The following ABR variants were observed in gnomAD, a reference collection of about 807,000 sequenced individuals.
ABR encodes the protein active breakpoint cluster region-related protein.
Under a neutral mutation model 107.2 loss-of-function variants are expected in ABR, and 35 were observed. The observed-to-expected ratio is 0.33, with a 90% CI of 0.25 to 0.43. The LOEUF is 0.43. Ranked by LOEUF, ABR falls within the 20% of genes least tolerant of loss-of-function variation. The pLI is 1.00. For synonymous variants in ABR, 498 were observed against 462.0 expected (o/e 1.08, Z -1.00); for missense variants, 815 against 1,115.2 (o/e 0.73, Z 3.83).
chr17:1,106,969 G>C (rs1373030202), intron 2 of ABR, among the ~76,000 whole-genome samples: 9 of 152,366 alleles, frequency 5.9e-5, no homozygotes, highest in Admixed American at 5.9e-4. Flanking sequence ...CACCTAACCT[G>C]AGAGTGTTTG....
At position 1,159,341 on chromosome 17, in the gene ABR, A is replaced by G. The variant is rs76040367; in HGVS notation, c.61+20326T>C. Among the ~76,000 whole-genome samples, 10 of 104,224 alleles carry G rather than the reference A, an allele frequency of 9.6e-5. 2 individuals carry two copies. Among genetic ancestry groups the G allele is most frequent in the Non-Finnish European group, 1.5e-4 (7 of 46,430 alleles). The allele number at this position is 104,224 out of a possible 152,430, so 68.4% of individuals were successfully genotyped here. A position where few individuals can be genotyped will look rare whatever the true frequency, so the allele number is the denominator to read the frequency against. ...AGTAAGAATGCAGTACTCACGCACAAGGGAAGTATGCGGTACTCACACACA... is the reference window on the plus strand; with the variant it reads ...AGTAAGAATGCAGTACTCACGCACAGGGGAAGTATGCGGTACTCACACACA... On this transcript the variant is annotated intron_variant, in intron 1 of 22. Transcript: ENST00000302538.
At chr17:1,145,338 G>A (rs2040482105) in intron 1 of ABR, among the ~76,000 whole-genome samples, 1 of 152,198 alleles carries the variant, frequency 6.6e-6, no homozygotes, top group Admixed American at 6.5e-5. Flanking sequence ...ACCCTTATTA[G>A]AGTTAACAGC....
Position 1,070,576 on chromosome 17 carries a change from G to A in ABR, c.895-486C>T, listed in dbSNP as rs113801024. Among the ~76,000 whole-genome samples the A allele has an allele frequency of 6.6e-6, 1 of 151,916 alleles. No homozygotes were observed. Among genetic ancestry groups the A allele is most frequent in the African/African-American group, 2.4e-5 (1 of 41,354 alleles). On this transcript the variant is annotated intron_variant, in intron 8 of 22. Coordinates refer to ENST00000302538, the MANE Select transcript of ABR (RefSeq NM_021962.5). This position sits in a 1 kb window ranked among gnomAD's most constrained non-coding sequence, Gnocchi z 4.2. ...TCTAGCCCCGGCTCAACCGAGACCC[G>A]AGACCCGAGACCCACTCAGGCCTGT...
chr17:1,071,567 T>A lies in ABR; in HGVS notation c.894+1047A>T, dbSNP rs2035239274. ...GCCCCCAGGGAACGGCTGTCCCACATGCAGGTGCCCACTGGACATTCCGGC... is the reference window on the plus strand; with the variant it reads ...GCCCCCAGGGAACGGCTGTCCCACAAGCAGGTGCCCACTGGACATTCCGGC... On this transcript the variant is annotated intron_variant, in intron 8 of 22. Coordinates refer to ENST00000302538, the MANE Select transcript of ABR (RefSeq NM_021962.5). The surrounding 1 kb of genome is among the most constrained non-coding windows in gnomAD (Gnocchi z 5.1). Among the ~76,000 whole-genome samples the A allele has an allele frequency of 6.6e-6, 1 of 152,242 alleles. No homozygotes were observed. Among genetic ancestry groups the A allele is most frequent in the Admixed American group, 6.5e-5 (1 of 15,282 alleles).
At chr17:1,125,117 G>A in intron 2 of ABR, 66 bp downstream of exon 2, 6 of 1,479,496 alleles carry the variant, frequency 4.1e-6, no homozygotes, top group Non-Finnish European at 5.4e-6. Flanking sequence ...GCAGGGCCTG[G>A]CCCACGATGC....
rs568019424 is a variant in ABR at position 1,198,835 on chromosome 17, G to A, written c.838+29958C>T. On this transcript the variant is annotated intron_variant, in intron 1 of 22. Transcript: ENST00000574139. The stretch of plus-strand genomic sequence containing the variant: ...TTTTTTAATAGAGGTGGGTTTCACC[G>A]TGTTAGCCAGGATGGTTATGATCTC... Among the ~76,000 whole-genome samples, 131 of 144,060 alleles carry A rather than the reference G, an allele frequency of 9.1e-4. 5 individuals are homozygous for A. The highest frequency in any genetic ancestry group is 2.8e-3 in the African/African-American group (108 of 38,260). 94.5% of individuals were successfully genotyped at this position (144,060 alleles called of 152,430 possible).
chr17:1,155,268 C>T (rs557641860), intron 1 of ABR, among the ~76,000 whole-genome samples: 5 of 152,162 alleles, frequency 3.3e-5, no homozygotes, highest in African/African-American at 1.2e-4. Flanking sequence ...TATCTATGGT[C>T]GACGGATTGT....
At chr17:1,119,464 T>C (rs2586264) in intron 2 of ABR, among the ~76,000 whole-genome samples, 65 of 54,794 alleles carry the variant, frequency 1.2e-3, no homozygotes, top group South Asian at 3.2e-3. Context: ...CCTGAGTTCT[T>C]CCCAGCGTTA....
At chr17:1,085,213 C>T (rs996494501) in intron 4 of ABR, among the ~76,000 whole-genome samples, 2 of 137,114 alleles carry the variant, frequency 1.5e-5, no homozygotes, top group African/African-American at 2.8e-5. Context: ...CCCAGGTTCG[C>T]GCCATTCTCC....
At chr17:1,025,111 C>G (rs1229319268) in intron 16 of ABR, among the ~76,000 whole-genome samples, 4 of 36,944 alleles carry the variant, frequency 1.1e-4, no homozygotes, top group African/African-American at 3.5e-4. Context: ...GACAGCGAGA[C>G]TCCGTCTCAA....
intron 16 of ABR, among the ~76,000 whole-genome samples, chr17:1,043,338 T>C (rs1016257610): frequency 1.3e-5 from 2 of 151,806 alleles, no homozygotes; most frequent in Admixed American, 6.6e-5. Flanking sequence ...CGGCTAATTT[T>C]TTTTAATCTT....
intron 2 of ABR, among the ~76,000 whole-genome samples, chr17:1,106,761 C>T (rs1304781475): frequency 6.6e-6 from 1 of 152,126 alleles, no homozygotes; most frequent in Non-Finnish European, 1.5e-5. Context: ...AACTCCTGAC[C>T]TCAGGTGATC....
Position 1,129,370 on chromosome 17 carries a change from G to GTC in ABR, c.62-4004_62-4003insGA, listed in dbSNP as rs762003999. On this transcript the variant is annotated intron_variant, in intron 1 of 22. Transcript: ENST00000302538. ...CTGGCCAATATGGTGAAGCCATACTGGCTACAAAAAAATTAGCCAGGCGTG... is the reference window on the plus strand; with the variant it reads ...CTGGCCAATATGGTGAAGCCATACTGTCGCTACAAAAAAATTAGCCAGGCGTG... 3.2e-4 allele frequency among the ~76,000 whole-genome samples: 12 copies of GTC among 37,022 alleles called. 1 individual carries two copies. In the South Asian group the frequency reaches 8.8e-3, roughly 27 times the overall value. 24.3% of individuals were successfully genotyped at this position (37,022 alleles called of 152,430 possible).
intron 1 of ABR, chr17:1,125,573 G>A (rs1358108221): frequency 2.3e-5 from 9 of 389,664 alleles, no homozygotes; most frequent in East Asian, 1.7e-4. Flanking sequence ...CCCGCTCCGG[G>A]GCTGCTGGGA....
At chr17:1,181,434 C>G (rs115854410), upstream of ABR, among the ~76,000 whole-genome samples, 1,302 of 152,204 alleles carry the variant, frequency 8.6e-3, 21 homozygotes, top group African/African-American at 0.03. Context: ...ATTATTAGCC[C>G]GTCCCTGCGT....
chr17:1,213,291 T>A (rs1009704444), intron 1 of ABR, among the ~76,000 whole-genome samples: 7 of 152,192 alleles, frequency 4.6e-5, no homozygotes, highest in African/African-American at 1.4e-4. Context: ...GAGACCCAAC[T>A]AGCAAACTAA....
At chr17:1,201,970 C>T (rs2042680671) in intron 1 of ABR, among the ~76,000 whole-genome samples, 1 of 152,180 alleles carries the variant, frequency 6.6e-6, no homozygotes, top group African/African-American at 2.4e-5. Context: ...AGCCACCGCG[C>T]CCATCCTGCT....
At position 1,007,941 on chromosome 17, in the gene ABR, G is replaced by A. The variant is rs112218866; in HGVS notation, c.2343-629C>T. Among the ~76,000 whole-genome samples the A allele has an allele frequency of 1.7e-4, 26 of 152,344 alleles. 1 individual carries two copies. Among genetic ancestry groups the A allele is most frequent in the African/African-American group, 5.8e-4 (24 of 41,582 alleles). On this transcript the variant is annotated intron_variant, in intron 21 of 22. Coordinates refer to ENST00000302538, the MANE Select transcript of ABR (RefSeq NM_021962.5). ...ACCCGGGGCTCTGCCAGCTGTGCTG[G>A]GGCAGGAGCAGCCCTACTTCCAGAT...
At chr17:1,013,271 G>A (rs2070798217) in intron 16 of ABR, 107 bp from the exon 17 acceptor site, 1 of 1,088,598 alleles carries the variant, frequency 9.2e-7, no homozygotes, top group Non-Finnish European at 1.4e-6. Context: ...CAGGAAGGCG[G>A]AAGTGAGCAG....
Sources: gnomAD v4.1 joint callset for allele counts (sites outside exome capture counted in the v4.1 genomes callset) on GRCh38, gnomAD v4.1.1 for gene constraint, Gnocchi (gnomAD v3.1) non-coding constraint, MANE v1.5 for transcripts, NCBI Gene and HGNC (gene_info 2026-07-23, HGNC 2026-07-21) for gene names.